The following OLA1 variants were observed in gnomAD, a reference collection of about 807,000 sequenced individuals.
The protein encoded by OLA1 is Obg like ATPase 1, also known as obg-like ATPase 1.
A neutral mutation model predicts 48.4 loss-of-function variants in OLA1; 14 were observed. The observed-to-expected ratio is 0.29, with a 90% CI of 0.19 to 0.45. OLA1 has a LOEUF of 0.45. Ranked by LOEUF, OLA1 falls within the 20% of genes least tolerant of loss-of-function variation. The pLI, the probability that OLA1 is intolerant of heterozygous loss-of-function variation, is 1.00. For missense variants in OLA1, 325 were observed against 467.1 expected (o/e 0.70, Z 2.80); for synonymous variants, 127 against 150.4 (o/e 0.84, Z 1.14).
At chr2:174,105,696 T>C (rs561403618) in intron 7 of OLA1, among the ~76,000 whole-genome samples, 7 of 152,168 alleles carry the variant, frequency 4.6e-5, no homozygotes, top group African/African-American at 1.7e-4. Context: ...TGCTGATAAG[T>C]TTACTTTTCT....
intron 4 of OLA1, among the ~76,000 whole-genome samples, chr2:174,143,888 G>C (rs917690785): frequency 3.3e-5 from 5 of 152,160 alleles, no homozygotes; most frequent in African/African-American, 1.2e-4. Flanking sequence ...AGGATCACTT[G>C]AGCCCAGGAG....
chr2:174,117,647 G>A (rs1387527645), intron 7 of OLA1, among the ~76,000 whole-genome samples: 1 of 152,120 alleles, frequency 6.6e-6, no homozygotes, highest in Non-Finnish European at 1.5e-5. Flanking sequence ...GGAAAGAACG[G>A]TAGAGACAAA....
At chr2:174,217,838 T>C (rs891378924) in intron 4 of OLA1, 3 of 152,226 alleles carry the variant, frequency 2.0e-5, no homozygotes, top group African/African-American at 7.2e-5. Flanking sequence ...ATCCATATTA[T>C]TGTGTATAGA....
chr2:174,196,834 C>G (rs1687887559), intron 4 of OLA1, among the ~76,000 whole-genome samples: 1 of 152,060 alleles, frequency 6.6e-6, no homozygotes, highest in Non-Finnish European at 1.5e-5. Flanking sequence ...CTTTGAATAA[C>G]TAAAAGAACT....
chr2:174,115,892 C>T (rs1685770135), intron 7 of OLA1, among the ~76,000 whole-genome samples: 1 of 152,172 alleles, frequency 6.6e-6, no homozygotes, highest in Non-Finnish European at 1.5e-5. Flanking sequence ...TGTTGGATGT[C>T]TATTACTCCA....
At chr2:174,127,824 C>G (rs1002367860) in intron 5 of OLA1, among the ~76,000 whole-genome samples, 31 of 152,126 alleles carry the variant, frequency 2.0e-4, no homozygotes, top group African/African-American at 7.0e-4. Context: ...AGACCCTGCA[C>G]TGAAAATTTC....
intron 7 of OLA1, among the ~76,000 whole-genome samples, chr2:174,115,919 C>T (rs1685770882): frequency 6.6e-6 from 1 of 152,158 alleles, no homozygotes; most frequent in Admixed American, 6.5e-5. Context: ...TGTAAGTCTT[C>T]CAGGAGAAAG....
chr2:174,169,849 C>T (rs192026668), intron 4 of OLA1, among the ~76,000 whole-genome samples: 2 of 152,142 alleles, frequency 1.3e-5, no homozygotes, highest in East Asian at 3.9e-4. Context: ...GTACTAAATG[C>T]CACTGAAATG....
chr2:174,110,458 T>C (rs540879353), intron 7 of OLA1, among the ~76,000 whole-genome samples: 7 of 151,840 alleles, frequency 4.6e-5, no homozygotes, highest in Admixed American at 4.6e-4. Context: ...GGCCAATTTT[T>C]TTTTGAGACA....
intron 4 of OLA1, among the ~76,000 whole-genome samples, chr2:174,204,554 T>C (rs1223663004): frequency 6.6e-6 from 1 of 152,134 alleles, no homozygotes; most frequent in Non-Finnish European, 1.5e-5. Context: ...AAAATATAAA[T>C]GGATAAAGTC....
At chr2:174,182,736 A>C (rs1687577853) in intron 4 of OLA1, among the ~76,000 whole-genome samples, 1 of 152,106 alleles carries the variant, frequency 6.6e-6, no homozygotes, top group South Asian at 2.1e-4. Context: ...CCCTCAATTC[A>C]CCATCTTTTC....
chr2:174,228,345 G>A (rs1004030214), intron 3 of OLA1, among the ~76,000 whole-genome samples: 1 of 152,088 alleles, frequency 6.6e-6, no homozygotes, highest in Non-Finnish European at 1.5e-5. Flanking sequence ...TATTACTTAA[G>A]TCTGTATTGC....
At chr2:174,138,942 A>G (rs989013219) in intron 5 of OLA1, among the ~76,000 whole-genome samples, 3 of 152,206 alleles carry the variant, frequency 2.0e-5, no homozygotes, top group Admixed American at 2.0e-4. Flanking sequence ...AGTTCTATGA[A>G]TATTTTCTAA....
intron 4 of OLA1, among the ~76,000 whole-genome samples, chr2:174,198,385 G>A (rs941447390): frequency 2.4e-4 from 36 of 152,228 alleles, no homozygotes; most frequent in African/African-American, 8.7e-4. Context: ...AAAGTGGGCA[G>A]ATTAATAAAG....
At chr2:174,186,082 AAC>A (rs1687651088) in intron 4 of OLA1, among the ~76,000 whole-genome samples, 1 of 152,358 alleles carries the variant, frequency 6.6e-6, no homozygotes, top group Non-Finnish European at 1.5e-5. Context: ...AGAGACCTTT[AAC>A]ACATTTCTAA....
chr2:174,103,538 C>G (rs766662943), intron 7 of OLA1, among the ~76,000 whole-genome samples: 4 of 152,166 alleles, frequency 2.6e-5, no homozygotes, highest in Non-Finnish European at 4.4e-5. Context: ...CACCTGTGCT[C>G]TAAACTGTAG....
At chr2:174,178,503 A>G (rs931892693) in intron 4 of OLA1, among the ~76,000 whole-genome samples, 1 of 151,992 alleles carries the variant, frequency 6.6e-6, no homozygotes, top group African/African-American at 2.4e-5. Context: ...TTAATTCATG[A>G]GCAAGAAAAA....
intron 4 of OLA1, among the ~76,000 whole-genome samples, chr2:174,201,939 T>C (rs888315638): frequency 6.6e-6 from 1 of 152,160 alleles, no homozygotes; most frequent in African/African-American, 2.4e-5. Flanking sequence ...CATGGAAATA[T>C]AATAGAATTG....
intron 5 of OLA1, among the ~76,000 whole-genome samples, chr2:174,137,837 T>C (rs1370966644): frequency 2.6e-5 from 4 of 152,224 alleles, no homozygotes; most frequent in African/African-American, 4.8e-5. Context: ...ATATTGTGGA[T>C]AGTTTGATCT....
Sources: gnomAD v4.1 joint callset for allele counts (sites outside exome capture counted in the v4.1 genomes callset) on GRCh38, gnomAD v4.1.1 for gene constraint, MANE v1.5 for transcripts, NCBI Gene and HGNC (gene_info 2026-07-23, HGNC 2026-07-21) for gene names.